The following GALNT13 variants were observed in gnomAD, a reference collection of about 807,000 sequenced individuals.
GALNT13 encodes UDP-GalNAc:polypeptide N-acetylgalactosaminyltransferase 13.
A neutral mutation model predicts 64.2 loss-of-function variants in GALNT13; 28 were observed. That is an observed-to-expected ratio of 0.44 (90% confidence interval 0.32 to 0.60). The LOEUF is 0.60. Among genes scored for constraint, GALNT13 ranks in the 20% least tolerant of loss-of-function variants. GALNT13 has a pLI of 0.05. For synonymous variants in GALNT13, 214 were observed against 224.6 expected (o/e 0.95, Z 0.42); for missense variants, 577 against 669.8 (o/e 0.86, Z 1.53).
chr2:154,171,971 TACACACACACACACACAC>T (rs57343446), intron 4 of GALNT13, among the ~76,000 whole-genome samples: 1 of 144,218 alleles, frequency 6.9e-6, no homozygotes, highest in Non-Finnish European at 1.5e-5. Flanking sequence ...TTCTTTCTCA[TACACACACACACACACAC>T]ACACACACAC....
chr2:153,786,873 G>A, the GALNT13 span, among the ~76,000 whole-genome samples: 1 of 152,158 alleles, frequency 6.6e-6, no homozygotes, highest in Admixed American at 6.5e-5. Flanking sequence ...TCCAAGGATA[G>A]GAGGCCGGTC....
At chr2:154,118,965 A>G (rs1178797055) in intron 3 of GALNT13, among the ~76,000 whole-genome samples, 1 of 152,144 alleles carries the variant, frequency 6.6e-6, no homozygotes, top group Non-Finnish European at 1.5e-5. Flanking sequence ...CTAGGAATAA[A>G]ATTGCATTAC....
At chr2:154,242,650 T>C in intron 5 of GALNT13, 48 bp from the exon 6 acceptor site, 1 of 1,302,422 alleles carries the variant, frequency 7.7e-7, no homozygotes, top group Non-Finnish European at 1.1e-6. Context: ...TGCTATTTCT[T>C]AAAACAGTTT....
At chr2:153,686,672 A>G in the GALNT13 span, among the ~76,000 whole-genome samples, 2 of 152,040 alleles carry the variant, frequency 1.3e-5, no homozygotes, top group African/African-American at 4.8e-5. Flanking sequence ...GACATACAAT[A>G]CTATGTTGAA....
chr2:154,032,622 T>C (rs1698408271), intron 3 of GALNT13, among the ~76,000 whole-genome samples: 1 of 151,938 alleles, frequency 6.6e-6, no homozygotes, highest in Non-Finnish European at 1.5e-5. Flanking sequence ...AGAAAATCAA[T>C]GTAATTAATC....
At chr2:153,750,297 G>A in the GALNT13 span, among the ~76,000 whole-genome samples, 1 of 151,610 alleles carries the variant, frequency 6.6e-6, no homozygotes, top group African/African-American at 2.4e-5. Flanking sequence ...TTTTTTTAAT[G>A]TGTGTTTGTC....
the GALNT13 span, among the ~76,000 whole-genome samples, chr2:153,413,729 TA>T: frequency 6.6e-6 from 1 of 152,160 alleles, no homozygotes; most frequent in Non-Finnish European, 1.5e-5. Context: ...ACAAGTACAT[TA>T]AGACAAATGT....
intron 3 of GALNT13, among the ~76,000 whole-genome samples, chr2:153,956,259 A>G (rs1692563568): frequency 6.6e-6 from 1 of 152,198 alleles, no homozygotes; most frequent in African/African-American, 2.4e-5. Flanking sequence ...CAAAAAAACT[A>G]ATGGAGAGAG....
the GALNT13 span, among the ~76,000 whole-genome samples, chr2:153,107,283 T>G: frequency 6.6e-6 from 1 of 152,170 alleles, no homozygotes; most frequent in Non-Finnish European, 1.5e-5. Flanking sequence ...GATGTAGAGA[T>G]TCAATTGTGG....
chr2:154,427,477 T>G (rs1700523724), intron 11 of GALNT13, among the ~76,000 whole-genome samples: 1 of 152,210 alleles, frequency 6.6e-6, no homozygotes, highest in African/African-American at 2.4e-5. Flanking sequence ...CCTAGTGATG[T>G]GATCAGCACA....
At chr2:153,978,651 C>A (rs910824889) in intron 3 of GALNT13, among the ~76,000 whole-genome samples, 3 of 152,146 alleles carry the variant, frequency 2.0e-5, no homozygotes, top group Admixed American at 2.0e-4. Context: ...TACCTCCTGC[C>A]ATGATTCTGT....
intron 3 of GALNT13, among the ~76,000 whole-genome samples, chr2:154,065,500 C>T (rs1119743): frequency 0.57 from 85,946 of 152,070 alleles, 26,124 homozygotes; most frequent in Middle Eastern, 0.7. Context: ...CACCCAGCTC[C>T]AGGCAGCTTA....
At chr2:153,137,012 A>G in the GALNT13 span, among the ~76,000 whole-genome samples, 1 of 152,072 alleles carries the variant, frequency 6.6e-6, no homozygotes, top group Non-Finnish European at 1.5e-5. Flanking sequence ...ATGTGTTAGG[A>G]GAAGGAAAAG....
the GALNT13 span, among the ~76,000 whole-genome samples, chr2:153,245,373 C>T: frequency 6.6e-6 from 1 of 152,218 alleles, no homozygotes; most frequent in Non-Finnish European, 1.5e-5. Flanking sequence ...TTGCCAGACA[C>T]CTCATACAGG....
At chr2:154,330,411 A>G (rs707022) in intron 9 of GALNT13, among the ~76,000 whole-genome samples, 151,425 of 152,240 alleles carry the variant, frequency 0.99, 75,311 homozygotes, top group Middle Eastern at 1. Context: ...GCAATGAAAC[A>G]AATATAAGTG....
chr2:154,309,315 T>C (rs368768382), intron 9 of GALNT13, among the ~76,000 whole-genome samples: 4,738 of 143,358 alleles, frequency 0.033, 236 homozygotes, highest in African/African-American at 0.11. Flanking sequence ...CCATTCGTCT[T>C]CATTTCCAGA....
At chr2:153,409,080 G>A in the GALNT13 span, among the ~76,000 whole-genome samples, 1 of 152,014 alleles carries the variant, frequency 6.6e-6, no homozygotes, top group Non-Finnish European at 1.5e-5. Context: ...TACACTAGTG[G>A]TTTACTAGGG....
chr2:153,222,332 T>TGGGGGGGGGG, the GALNT13 span, among the ~76,000 whole-genome samples: 1 of 103,788 alleles, frequency 9.6e-6, no homozygotes, highest in Non-Finnish European at 2.0e-5. Flanking sequence ...GGGGGTGGGG[T>TGGGGGGGGGG]GGGGGGGGGG....
At chr2:153,302,154 T>C in the GALNT13 span, among the ~76,000 whole-genome samples, 3 of 152,174 alleles carry the variant, frequency 2.0e-5, no homozygotes, top group Non-Finnish European at 2.9e-5. Context: ...GCTGTACTAA[T>C]TTATATTCCC....
Sources: gnomAD v4.1 joint callset for allele counts (sites outside exome capture counted in the v4.1 genomes callset) on GRCh38, gnomAD v4.1.1 for gene constraint, MANE v1.5 for transcripts, NCBI Gene and HGNC (gene_info 2026-07-23, HGNC 2026-07-21) for gene names.